CCDC192: variants seen among roughly 807,000 people sequenced by gnomAD.
CCDC192 encodes the protein coiled-coil domain containing 192, also known as coiled-coil domain-containing protein 192.
At chr5:127,866,692 C>T (rs1751629281) in intron 5 of CCDC192, among the ~76,000 whole-genome samples, 1 of 151,924 alleles carries the variant, frequency 6.6e-6, no homozygotes, top group African/African-American at 2.4e-5. Context: ...ATTTTCAAAA[C>T]ATTCACCTAC....
chr5:127,818,217 T>C (rs894139278), intron 5 of CCDC192, among the ~76,000 whole-genome samples: 8 of 152,194 alleles, frequency 5.3e-5, no homozygotes, highest in Non-Finnish European at 8.8e-5. Context: ...GATAAGAGTC[T>C]AAAATACTTG....
At chr5:127,838,884 G>A (rs527318778) in intron 5 of CCDC192, among the ~76,000 whole-genome samples, 1 of 152,184 alleles carries the variant, frequency 6.6e-6, no homozygotes, top group African/African-American at 2.4e-5. Flanking sequence ...AAAGACTGTC[G>A]CTGGGGTGAC....
At chr5:127,733,009 A>G (rs1225143883) in intron 2 of CCDC192, among the ~76,000 whole-genome samples, 2 of 152,282 alleles carry the variant, frequency 1.3e-5, no homozygotes, top group East Asian at 3.9e-4. Flanking sequence ...AAAATAAAAT[A>G]ATACAATTTT....
chr5:127,720,279 G>C (rs771424020), intron 2 of CCDC192, among the ~76,000 whole-genome samples: 1 of 152,128 alleles, frequency 6.6e-6, no homozygotes, highest in African/African-American at 2.4e-5. Context: ...CCAAACAAAG[G>C]GGCTAAAGGC....
upstream of CCDC192, among the ~76,000 whole-genome samples, chr5:127,702,765 G>T (rs7707416): frequency 0.055 from 8,400 of 152,242 alleles, 540 homozygotes; most frequent in East Asian, 0.27. Context: ...AGCGGATACA[G>T]GTTCACCTGG....
intron 6 of CCDC192, among the ~76,000 whole-genome samples, chr5:127,913,189 A>C (rs111349162): frequency 2.6e-5 from 4 of 152,350 alleles, no homozygotes; most frequent in Admixed American, 2.6e-4. Context: ...TATGATGCCT[A>C]GTCTACAGAC....
chr5:127,790,398 G>T (rs1756799477), intron 3 of CCDC192, among the ~76,000 whole-genome samples: 1 of 152,104 alleles, frequency 6.6e-6, no homozygotes, highest in African/African-American at 2.4e-5. Flanking sequence ...TATACAATGT[G>T]TAATGATCAA....
chr5:127,705,020 A>G (rs1416384504), intron 1 of CCDC192, among the ~76,000 whole-genome samples: 4 of 151,862 alleles, frequency 2.6e-5, no homozygotes, highest in Non-Finnish European at 5.9e-5. Flanking sequence ...CACTGAGAAA[A>G]ATGCCGTATC....
chr5:127,903,964 T>C (rs1357843262), intron 6 of CCDC192, among the ~76,000 whole-genome samples: 1 of 152,176 alleles, frequency 6.6e-6, no homozygotes, highest in Admixed American at 6.5e-5. Flanking sequence ...TCCTGGAACC[T>C]GTGAATACGT....
intron 2 of CCDC192, among the ~76,000 whole-genome samples, chr5:127,752,556 C>A (rs1418425327): frequency 1.3e-5 from 2 of 152,232 alleles, no homozygotes; most frequent in African/African-American, 2.4e-5. Flanking sequence ...GAGGTTACTG[C>A]TGTCTTTTTG....
At chr5:127,876,700 T>C (rs1426917373) in intron 6 of CCDC192, among the ~76,000 whole-genome samples, 2 of 152,156 alleles carry the variant, frequency 1.3e-5, no homozygotes, top group African/African-American at 2.4e-5. Context: ...TCATGAGTAA[T>C]TGTGGAAAAA....
rs144285742 is a variant in CCDC192, at chr5:127,799,732, G to A, written c.411+1570G>A. On this transcript the variant is annotated intron_variant, in intron 5 of 6. Transcript: ENST00000514853. ...CCTAGTTACTATGGATGCTATTCCT[G>A]TACCATGCTGTTACTGCTTGAGACT... 1.1e-4 allele frequency among the ~76,000 whole-genome samples: 17 copies of A among 152,196 alleles called. No individual in the cohort carries two copies. The East Asian group carries it at 3.1e-3, about 28-fold the overall frequency.
chr5:127,933,382 G>T (rs1754101351), intron 6 of CCDC192, among the ~76,000 whole-genome samples: 1 of 152,144 alleles, frequency 6.6e-6, no homozygotes, highest in Non-Finnish European at 1.5e-5. Flanking sequence ...TAAATACTAG[G>T]CGAGAGGGAA....
intron 6 of CCDC192, among the ~76,000 whole-genome samples, chr5:127,912,892 A>G (rs1580820326): frequency 6.6e-6 from 1 of 152,178 alleles, no homozygotes; most frequent in South Asian, 2.1e-4. Flanking sequence ...ACCCTTCACC[A>G]TGTTAATTAG....
chr5:127,854,722 C>T (rs933743676), intron 5 of CCDC192, among the ~76,000 whole-genome samples: 2 of 152,136 alleles, frequency 1.3e-5, no homozygotes, highest in Non-Finnish European at 2.9e-5. Flanking sequence ...GGTTTGATTC[C>T]ATACCACCAC....
intron 5 of CCDC192, among the ~76,000 whole-genome samples, chr5:127,835,776 T>G (rs1305057491): frequency 6.6e-6 from 1 of 152,120 alleles, no homozygotes; most frequent in East Asian, 1.9e-4. Flanking sequence ...ATCACAAGAA[T>G]AGCATGGGAG....
chr5:127,781,576 C>T (rs369546054), intron 3 of CCDC192, among the ~76,000 whole-genome samples: 2,844 of 124,040 alleles, frequency 0.023, 58 homozygotes, highest in East Asian at 0.046. Context: ...CTAAGTATTC[C>T]TTTTTTTTTT....
In CCDC192 at chr5:127,808,416, A is replaced by G. The variant is rs528289204; in HGVS notation, c.411+10254A>G. On this transcript the variant is annotated intron_variant, in intron 5 of 6. Transcript: ENST00000514853. ...TCCTAAGGGAAGTAGTCAGATCCAT[A>G]TTGACCCTAAGTGGTTCTTCCAGAG... 3.3e-5 allele frequency among the ~76,000 whole-genome samples: 5 copies of G among 152,066 alleles called. No individual in the cohort carries two copies. The East Asian group carries it at 7.7e-4, about 24-fold the overall frequency.
chr5:127,917,744 C>G (rs957101352), intron 6 of CCDC192, among the ~76,000 whole-genome samples: 6 of 152,040 alleles, frequency 3.9e-5, no homozygotes, highest in Admixed American at 6.6e-5. Flanking sequence ...TCATCGATCA[C>G]AGAACACCAT....
Sources: allele counts gnomAD v4.1 joint callset (sites outside exome capture counted in the v4.1 genomes callset), GRCh38; gene constraint gnomAD v4.1.1; transcripts MANE v1.5; gene names NCBI Gene and HGNC (gene_info 2026-07-23, HGNC 2026-07-21).